Variants in FOXP2 observed in about 807,000 individuals in gnomAD.
FOXP2 encodes the protein forkhead box protein P2.
A neutral mutation model predicts 115.8 loss-of-function variants in FOXP2; 12 were observed. The observed-to-expected ratio is 0.10, with a 90% CI of 0.07 to 0.17. The LOEUF (loss-of-function observed/expected upper bound fraction) is 0.17. Ranked by LOEUF, FOXP2 falls within the 10% of genes least tolerant of loss-of-function variation. The pLI, the probability that FOXP2 is intolerant of heterozygous loss-of-function variation, is 1.00. For missense variants in FOXP2, 629 were observed against 843.5 expected, an observed-to-expected ratio of 0.75 and a Z score of 3.15; for synonymous variants, 328 against 297.7, an observed-to-expected ratio of 1.10 and a Z score of -1.05.
chr7:114,287,273 A>G (rs1288742821), intron 1 of FOXP2, among the ~76,000 whole-genome samples: 1 of 152,000 alleles, frequency 6.6e-6, no homozygotes, highest in Non-Finnish European at 1.5e-5. Context: ...AAAACTGCAA[A>G]AAGTCTCATA....
At chr7:114,261,740 T>C (rs2129171377) in intron 1 of FOXP2, among the ~76,000 whole-genome samples, 1 of 152,302 alleles carries the variant, frequency 6.6e-6, no homozygotes, top group East Asian at 1.9e-4. Flanking sequence ...TAAATCTAGA[T>C]AGTATAGAAT....
At position 114,229,854 on chromosome 7, in the gene FOXP2, A is replaced by G. The variant is rs555945901; in HGVS notation, c.-101-58165A>G. ...GTAAGAAACCAGAAGAAGAAGAAAA[A>G]ATAAGCCAATGCTAGAAGAAGGAAG... On this transcript the variant is annotated intron_variant, in intron 1 of 17. Coordinates refer to the FOXP2 transcript ENST00000634411. Among the ~76,000 whole-genome samples, 10 of 151,842 alleles carry G rather than the reference A, an allele frequency of 6.6e-5. No individual in the cohort carries two copies. In the East Asian group the frequency reaches 1.9e-3, roughly 29 times the overall value.
intron 1 of FOXP2, among the ~76,000 whole-genome samples, chr7:114,242,716 T>A (rs1795185531): frequency 6.6e-6 from 1 of 152,144 alleles, no homozygotes; most frequent in African/African-American, 2.4e-5. Flanking sequence ...ATGTAAAAGA[T>A]ATTCAGAGAG....
intron 2 of FOXP2, among the ~76,000 whole-genome samples, chr7:114,293,313 T>G (rs1796655965): frequency 2.0e-5 from 3 of 152,158 alleles, no homozygotes; most frequent in Admixed American, 2.0e-4. Flanking sequence ...CTTATCTTTG[T>G]CTCTGTTTCT....
At chr7:114,333,211 GC>G (rs1424118321) in intron 2 of FOXP2, among the ~76,000 whole-genome samples, 3 of 152,106 alleles carry the variant, frequency 2.0e-5, no homozygotes, top group Non-Finnish European at 4.4e-5. Flanking sequence ...TAATTCCAAA[GC>G]CCTCCCTTTC....
At chr7:114,638,689 A>G (rs1171597301) in intron 6 of FOXP2, among the ~76,000 whole-genome samples, 2 of 152,162 alleles carry the variant, frequency 1.3e-5, no homozygotes, top group African/African-American at 2.4e-5. Context: ...TTCAAAAACT[A>G]CTAATGCCTG....
intron 1 of FOXP2, among the ~76,000 whole-genome samples, chr7:114,137,645 T>G (rs10275846): frequency 0.86 from 124,544 of 145,624 alleles, 52,129 homozygotes; most frequent in Non-Finnish European, 0.92. Flanking sequence ...AAGTTTTCAT[T>G]AAAAAAAATG....
intron 2 of FOXP2, among the ~76,000 whole-genome samples, chr7:114,381,399 G>T (rs1051692518): frequency 6.6e-6 from 1 of 152,174 alleles, no homozygotes; most frequent in Non-Finnish European, 1.5e-5. Context: ...TCCCTGTACC[G>T]AAGGACAAGA....
At chr7:114,638,749 C>G (rs1268118234) in intron 6 of FOXP2, among the ~76,000 whole-genome samples, 1 of 152,018 alleles carries the variant, frequency 6.6e-6, no homozygotes, top group Non-Finnish European at 1.5e-5. Flanking sequence ...GTGGTAAGGC[C>G]TTTAGAGATT....
chr7:114,140,028 A>G (rs546470002), intron 1 of FOXP2, among the ~76,000 whole-genome samples: 2 of 152,234 alleles, frequency 1.3e-5, no homozygotes, highest in African/African-American at 4.8e-5. Flanking sequence ...TGGGAGAATC[A>G]CTTGAACCCA....
At chr7:114,127,810 T>G (rs1033928741) in intron 1 of FOXP2, among the ~76,000 whole-genome samples, 7 of 152,232 alleles carry the variant, frequency 4.6e-5, no homozygotes, top group African/African-American at 1.4e-4. Flanking sequence ...AGTCACAGCT[T>G]CTTCCACTTT....
At chr7:114,561,156 A>G (rs879097712) in intron 3 of FOXP2, 1 of 152,242 alleles carries the variant, frequency 6.6e-6, no homozygotes, top group Admixed American at 6.5e-5. Flanking sequence ...GTAATTGGGT[A>G]CAGAATTAAG....
intron 3 of FOXP2, among the ~76,000 whole-genome samples, chr7:114,602,735 C>T (rs113185038): frequency 0.011 from 1,626 of 152,070 alleles, 21 homozygotes; most frequent in African/African-American, 0.037. Flanking sequence ...TCATGAGCTA[C>T]GCATATCAAT....
chr7:114,692,074 G>A lies in FOXP2; in HGVS notation c.*2148G>A, dbSNP rs1364581121. On this transcript the variant is annotated 3_prime_UTR_variant, in exon 17 of 17. Coordinates refer to ENST00000350908, the MANE Select transcript of FOXP2 (RefSeq NM_014491.4). ...TCAACGAACCGGAAGTTTACAATAT[G>A]GTATTAAAAGAAAGATGGGTATGGT... is the stretch of plus-strand genomic sequence containing the variant. The A allele has an allele frequency of 1.3e-5, 6 of 453,772 alleles. No individual in the cohort carries two copies. The highest frequency in any genetic ancestry group is 2.6e-5 in the Non-Finnish European group (6 of 226,674). 28.1% of individuals were successfully genotyped at this position (453,772 alleles called of 1,614,324 possible).
chr7:114,328,525 C>G (rs1000963727), intron 2 of FOXP2, among the ~76,000 whole-genome samples: 1 of 151,748 alleles, frequency 6.6e-6, no homozygotes, highest in Non-Finnish European at 1.5e-5. Context: ...CGTGAGCCAC[C>G]GCGCCCAGCC....
chr7:114,542,763 A>T (rs1799732987), intron 3 of FOXP2, among the ~76,000 whole-genome samples: 1 of 151,450 alleles, frequency 6.6e-6, no homozygotes, highest in Non-Finnish European at 1.5e-5. Context: ...CAAATGTGGA[A>T]TAAATTTTTT....
chr7:114,348,257 C>CT, intron 2 of FOXP2, among the ~76,000 whole-genome samples: 1 of 152,124 alleles, frequency 6.6e-6, no homozygotes, highest in Middle Eastern at 3.4e-3. Context: ...AGAAATGTAA[C>CT]TTTTTTTCTT....
intron 1 of FOXP2, among the ~76,000 whole-genome samples, chr7:114,186,265 C>G (rs984755862): frequency 6.6e-6 from 1 of 152,092 alleles, no homozygotes; most frequent in African/African-American, 2.4e-5. Context: ...AGCATCAACT[C>G]AAAAGTCCAA....
At chr7:114,526,596 C>T (rs1798886631) in intron 2 of FOXP2, among the ~76,000 whole-genome samples, 2 of 151,998 alleles carry the variant, frequency 1.3e-5, no homozygotes, top group Admixed American at 1.3e-4. Flanking sequence ...TATGGTTTTC[C>T]CCATTAATTC....
Sources: gnomAD v4.1 joint callset for allele counts (sites outside exome capture counted in the v4.1 genomes callset) on GRCh38, gnomAD v4.1.1 for gene constraint, MANE v1.5 for transcripts, NCBI Gene and HGNC (gene_info 2026-07-23, HGNC 2026-07-21) for gene names.